Variants in CUX1 observed in about 807,000 individuals in gnomAD.
CUX1 encodes cut like homeobox 1.
A neutral mutation model predicts 158.8 loss-of-function variants in CUX1; 31 were observed. That is an observed-to-expected ratio of 0.20 (90% CI 0.15 to 0.26). The LOEUF is 0.26. Ranked by LOEUF, CUX1 falls within the 10% of genes least tolerant of loss-of-function variation. CUX1 has a pLI of 1.00. For missense variants in CUX1, 1,589 were observed against 2,014.6 expected (o/e 0.79, Z 4.04); for synonymous variants, 879 against 862.1 (o/e 1.02, Z -0.34).
chr7:102,205,126 T>C lies in CUX1; in HGVS notation c.3086T>C (p.Val1029Ala), dbSNP rs781848557. The change falls in exon 20 of 24, where the codon GTG becomes GCG. Residue 1029 changes from valine to alanine, a missense_variant. Around this residue, in one of 8 missense-constraint regions of CUX1, gnomAD observed 259 missense variants for 373.8 expected, o/e 0.69. Coordinates refer to ENST00000292535, the MANE Select transcript of CUX1 (RefSeq NM_181552.4). ...GQQQGPVLHSVTSLQDPLQQG... is the reference protein window; with the variant it reads ...GQQQGPVLHSATSLQDPLQQG... Reference sequence around the variant, plus strand: ...TTTTCTACTTTAGTCCTCCACTCCGTGACATCGCTCCAGGACCCGCTGCAG... The same window carrying C: ...TTTTCTACTTTAGTCCTCCACTCCGCGACATCGCTCCAGGACCCGCTGCAG... 2 of 1,610,850 alleles carry C rather than the reference T, an allele frequency of 1.2e-6. No individual in the cohort carries two copies. The highest frequency in any genetic ancestry group is 1.9e-4 in the Middle Eastern group (1 of 5,326).
chr7:101,921,755 C>A (rs955876793), intron 2 of CUX1, among the ~76,000 whole-genome samples: 5 of 152,128 alleles, frequency 3.3e-5, no homozygotes, highest in African/African-American at 9.7e-5. Context: ...CCACACCCGG[C>A]CTTAGCTCGG....
intron 1 of CUX1, among the ~76,000 whole-genome samples, chr7:101,909,741 A>C (rs1803203684): frequency 6.6e-6 from 1 of 152,176 alleles, no homozygotes. Flanking sequence ...TGGCCAGCCC[A>C]AGTATGTTTT....
At chr7:101,842,790 G>GTT (rs553781717) in intron 1 of CUX1, among the ~76,000 whole-genome samples, 6 of 134,796 alleles carry the variant, frequency 4.5e-5, no homozygotes, top group African/African-American at 8.1e-5. Context: ...TGATGTATTG[G>GTT]TTTTTTTTTT....
Position 102,251,131 on chromosome 7 carries a change from T to C in CUX1, c.*2089T>C, listed in dbSNP as rs1432006470. On this transcript the variant is annotated 3_prime_UTR_variant, in exon 24 of 24. Coordinates refer to ENST00000292535, the MANE Select transcript of CUX1 (RefSeq NM_181552.4). ...ACTGTATATTACTGATTGAAAACTTTTTGACCGTATTGTGTATCATTGAAA... is the reference window on the plus strand; with the variant it reads ...ACTGTATATTACTGATTGAAAACTTCTTGACCGTATTGTGTATCATTGAAA... 4.1e-6 allele frequency: 4 copies of C among 985,000 alleles called. No individual in the cohort carries two copies. The African/African-American group carries it at 7.0e-5, about 17-fold the overall frequency. 61.0% of individuals were successfully genotyped at this position (985,000 alleles called of 1,614,324 possible). A position where few individuals can be genotyped will look rare whatever the true frequency, so the allele number is the denominator to read the frequency against.
Position 102,255,626 on chromosome 7 carries a change from T to A in CUX1, c.*6584T>A, listed in dbSNP as rs560301421. On this transcript the variant is annotated 3_prime_UTR_variant, in exon 24 of 24. Transcript: ENST00000292535. Reference sequence around the variant, plus strand: ...TATGCTATATGCTATGTATCAAGCTTTCTGTAATCAGAAAGAAAAGGTGCC... The same window carrying A: ...TATGCTATATGCTATGTATCAAGCTATCTGTAATCAGAAAGAAAAGGTGCC... 875 of 985,240 alleles carry A rather than the reference T, an allele frequency of 8.9e-4. No homozygotes were observed. The highest frequency in any genetic ancestry group is 1.0e-3 in the Non-Finnish European group (840 of 829,912). 61.0% of individuals were successfully genotyped at this position (985,240 alleles called of 1,614,324 possible). A position where few individuals can be genotyped will look rare whatever the true frequency, so the allele number is the denominator to read the frequency against.
Position 102,257,385 on chromosome 7 carries a change from A to C in CUX1, c.*8343A>C, listed in dbSNP as rs1403062887. On this transcript the variant is annotated 3_prime_UTR_variant, in exon 24 of 24. Coordinates refer to ENST00000292535, the MANE Select transcript of CUX1 (RefSeq NM_181552.4). ...ATCTTCTGCCTCTTCCCTTGAGAAA[A>C]CGGGCATCTCACGTACCCCCATCTG... The C allele has an allele frequency of 1.0e-6, 1 of 984,558 alleles. No individual in the cohort carries two copies. The highest frequency in any genetic ancestry group is 1.1e-4 in the East Asian group (1 of 8,818). The allele number at this position is 984,558 out of a possible 1,614,324, so 61.0% of individuals were successfully genotyped here. A position where few individuals can be genotyped will look rare whatever the true frequency, so the allele number is the denominator to read the frequency against.
chr7:102,017,190 G>C (rs900641405), intron 2 of CUX1, among the ~76,000 whole-genome samples: 11 of 102,868 alleles, frequency 1.1e-4, no homozygotes, highest in African/African-American at 3.7e-4. Flanking sequence ...TATACTCCCA[G>C]CTACTCAGGA....
intron 3 of CUX1, among the ~76,000 whole-genome samples, chr7:102,039,392 C>G (rs1439385496): frequency 6.6e-6 from 1 of 152,032 alleles, no homozygotes; most frequent in Non-Finnish European, 1.5e-5. Flanking sequence ...CCAACCTTTC[C>G]AGTCTTTGAC....
At chr7:101,828,032 G>A (rs1223686164) in intron 1 of CUX1, among the ~76,000 whole-genome samples, 5 of 149,830 alleles carry the variant, frequency 3.3e-5, no homozygotes, top group Non-Finnish European at 7.4e-5. Context: ...GCTGGAGTGC[G>A]GTGGCGGATC....
intron 2 of CUX1, among the ~76,000 whole-genome samples, chr7:101,946,701 AGCCTT>A (rs1217045797): frequency 1.3e-5 from 2 of 152,084 alleles, no homozygotes; most frequent in African/African-American, 4.8e-5. Flanking sequence ...CTCACTGCTA[AGCCTT>A]TCAGATGAGT....
chr7:102,216,596 TCCCACACA>T (rs1218309588), intron 20 of CUX1, among the ~76,000 whole-genome samples: 857 of 8,164 alleles, frequency 0.1, 20 homozygotes, highest in African/African-American at 0.18. Flanking sequence ...ACACACACAC[TCCCACACA>T]CACACACACA....
At chr7:102,166,159 G>A (rs1107462) in intron 9 of CUX1, among the ~76,000 whole-genome samples, 9,924 of 152,238 alleles carry the variant, frequency 0.065, 449 homozygotes, top group African/African-American at 0.12. Flanking sequence ...TGTGAGCCCC[G>A]TGGCCACCAG....
intron 1 of CUX1, among the ~76,000 whole-genome samples, chr7:101,850,425 T>C (rs796634821): frequency 8.5e-4 from 112 of 131,520 alleles, no homozygotes; most frequent in South Asian, 6.1e-3. Context: ...TTCTTTCTTT[T>C]TTTTTTTTTT....
At chr7:102,007,936 G>A (rs1252468937) in intron 2 of CUX1, among the ~76,000 whole-genome samples, 1 of 152,024 alleles carries the variant, frequency 6.6e-6, no homozygotes, top group Non-Finnish European at 1.5e-5. Flanking sequence ...GTAGAGGCAA[G>A]GTTTCACCAT....
intron 20 of CUX1, among the ~76,000 whole-genome samples, chr7:102,223,646 G>C (rs782009227): frequency 6.6e-6 from 1 of 152,026 alleles, no homozygotes; most frequent in African/African-American, 2.4e-5. Flanking sequence ...GCTTTGCTCT[G>C]TTCCATGCAA....
At chr7:102,196,242 C>T (rs1282964744) in intron 14 of CUX1, among the ~76,000 whole-genome samples, 4 of 152,234 alleles carry the variant, frequency 2.6e-5, no homozygotes, top group African/African-American at 4.8e-5. Context: ...GCGAGCGAAT[C>T]CATTGGTCCT....
chr7:102,023,426 G>A (rs981712559), intron 2 of CUX1, among the ~76,000 whole-genome samples: 7 of 152,142 alleles, frequency 4.6e-5, no homozygotes, highest in South Asian at 2.1e-4. Context: ...ACAGTAAATC[G>A]TATCATGTCC....
chr7:102,058,927 T>A (rs1454777541), intron 3 of CUX1, among the ~76,000 whole-genome samples: 4 of 152,168 alleles, frequency 2.6e-5, no homozygotes, highest in Non-Finnish European at 4.4e-5. Context: ...CTTAGCCTCC[T>A]TAAATGACTT....
At chr7:102,219,957 G>T (rs1007450794) in intron 20 of CUX1, among the ~76,000 whole-genome samples, 1 of 152,204 alleles carries the variant, frequency 6.6e-6, no homozygotes, top group South Asian at 2.1e-4. Context: ...GCCCAGCGTC[G>T]CTGCCATGGT....
Sources: gnomAD v4.1 joint callset for allele counts (sites outside exome capture counted in the v4.1 genomes callset) on GRCh38, gnomAD v4.1.1 for gene constraint, gnomAD v4.1.1 regional missense constraint, MANE v1.5 for transcripts, NCBI Gene and HGNC (gene_info 2026-07-23, HGNC 2026-07-21) for gene names.